PCDHGA5: variants seen among roughly 807,000 people sequenced by gnomAD.
PCDHGA5 encodes protocadherin gamma-A5.
PCDHGA5 carries 36 observed loss-of-function variants against 56.7 expected under a neutral mutation model. The ratio of observed to expected loss-of-function variants is 0.64; its 90% CI spans 0.49 to 0.84. PCDHGA5 has a LOEUF of 0.84. PCDHGA5 is among the 40% of genes least tolerant of loss of function. PCDHGA5 has a pLI of 0.00. For synonymous variants in PCDHGA5, 563 were observed against 520.2 expected (o/e 1.08, Z -1.12); for missense variants, 1,305 against 1,201.5 (o/e 1.09, Z -1.27).
chr5:141,364,789 G>T lies in PCDHGA5; in HGVS notation c.459G>T (p.Val153=), dbSNP rs1358031910. The T allele has an allele frequency of 1.9e-6, 3 of 1,614,036 alleles. No individual in the cohort carries two copies. Among genetic ancestry groups the T allele is most frequent in the East Asian group, 4.5e-5 (2 of 44,890 alleles). ...NENAAAGTRL[V]LPFARDADVG... ...ATGCGGCTGCAGGGACACGGTTAGT[G>T]CTTCCCTTCGCGCGGGATGCGGATG... Residue 153 remains valine, a synonymous_variant, in exon 1 of 4, where the codon GTG becomes GTT. Transcript: ENST00000518069.
In PCDHGA5 at chr5:141,490,455, G is replaced by A. The variant is rs746957706; in HGVS notation, c.2422-4352G>A. The A allele has an allele frequency of 9.3e-6, 15 of 1,614,010 alleles. No individual in the cohort carries two copies. The highest frequency in any genetic ancestry group is 2.2e-5 in the South Asian group (2 of 91,084). ...TTAAGCCTTCTGAGAACCACTACTC[G>A]CTGCTAACCAGCCAGCCTTTGGACC... On this transcript the variant is annotated intron_variant, in intron 1 of 3. Coordinates refer to ENST00000518069, the MANE Select transcript of PCDHGA5 (RefSeq NM_018918.3). The surrounding 1 kb of genome is among the most constrained non-coding windows in gnomAD (Gnocchi z 5.4).
At chr5:141,368,710 A>G (rs1008956527) in intron 1 of PCDHGA5, among the ~76,000 whole-genome samples, 1 of 152,160 alleles carries the variant, frequency 6.6e-6, no homozygotes, top group African/African-American at 2.4e-5. Flanking sequence ...TGATCCATAC[A>G]TTTTGAATGT....
intron 1 of PCDHGA5, chr5:141,390,939 A>G (rs572047279): frequency 6.6e-6 from 1 of 152,412 alleles, no homozygotes; most frequent in Admixed American, 6.5e-5. Context: ...TTAGAAGATC[A>G]AAAGCAGATT....
intron 1 of PCDHGA5, chr5:141,409,266 A>G (rs1285539149): frequency 1.1e-5 from 17 of 1,613,922 alleles, no homozygotes; most frequent in Non-Finnish European, 1.4e-5. Flanking sequence ...CTCTCTGATC[A>G]GATTTTGGAG....
chr5:141,367,417 G>A (rs1389870101), intron 1 of PCDHGA5: 5 of 152,198 alleles, frequency 3.3e-5, no homozygotes, highest in Non-Finnish European at 7.3e-5. Context: ...GGCGCCTGTA[G>A]TCCCAGCTAC....
chr5:141,453,077 T>C (rs2098755487), intron 1 of PCDHGA5, among the ~76,000 whole-genome samples: 1 of 152,090 alleles, frequency 6.6e-6, no homozygotes, highest in African/African-American at 2.4e-5. Context: ...CACACTCTGG[T>C]TGATTAGTAT....
rs751305003 is a variant in PCDHGA5 at position 141,365,581 on chromosome 5, T to C, written c.1251T>C (p.Asp417=). Residue 417 remains aspartate, a synonymous_variant, in exon 1 of 4, where the codon GAT becomes GAC. Transcript: ENST00000518069. Reference sequence around the variant, plus strand: ...ACCTGGACAGAGAAGAGACTTCAGATTATAATATCACTTTAACCGTCATGG... The same window carrying C: ...ACCTGGACAGAGAAGAGACTTCAGACTATAATATCACTTTAACCGTCATGG... ...TRDLDREETS[D]YNITLTVMDH... 49 of 1,613,586 alleles carry C rather than the reference T, an allele frequency of 3.0e-5. No individual in the cohort carries two copies. The highest frequency in any genetic ancestry group is 1.6e-4 in the Middle Eastern group (1 of 6,084).
intron 1 of PCDHGA5, chr5:141,389,226 C>G: frequency 6.2e-7 from 1 of 1,614,064 alleles, no homozygotes; most frequent in Non-Finnish European, 8.5e-7. Context: ...TGACAACGCT[C>G]CGGTTTTCTC....
Position 141,365,743 on chromosome 5 carries a change from CT to C in PCDHGA5, c.1415del (p.Phe472SerfsTer3), listed in dbSNP as rs2149881259. 1 of 1,613,828 alleles carries C rather than the reference CT, an allele frequency of 6.2e-7. No individual in the cohort carries two copies. Among genetic ancestry groups the C allele is most frequent in the Non-Finnish European group, 8.5e-7 (1 of 1,179,888 alleles). ...AAAACAATCCCAGAGGTGTCTCTAT[CT>C]TCTCTGTGACAGCCCATGACCCCGA... ...TENNPRGVSI[F>X]SVTAHDPDSG... On this transcript the variant is annotated frameshift_variant, in exon 1 of 4. Transcript: ENST00000518069. LOFTEE classifies it high-confidence loss of function.
In PCDHGA5 at chr5:141,365,884, A is replaced by G. The variant is rs992274434; in HGVS notation, c.1554A>G (p.Arg518=). The G allele has an allele frequency of 6.2e-7, 1 of 1,614,096 alleles. No homozygotes were observed. The highest frequency in any genetic ancestry group is 1.7e-5 in the Admixed American group (1 of 60,022). The change falls in exon 1 of 4, where the codon AGA becomes AGG. Residue 518 remains arginine (R), a synonymous_variant. Transcript: ENST00000518069. ...ACACCGGTGTCCTGTATGCTCTGAG[A>G]TCCTTCGACTATGAGCAGTTGAGAG... The part of the protein sequence containing the change: ...NSDTGVLYAL[R]SFDYEQLRDL...
chr5:141,388,314 G>A (rs752079289), intron 1 of PCDHGA5: 4 of 1,613,824 alleles, frequency 2.5e-6, no homozygotes, highest in South Asian at 1.1e-5. Context: ...GCAAATAAGT[G>A]AGTCTGCACA....
At chr5:141,479,975 C>A (rs1459297521) in intron 1 of PCDHGA5, among the ~76,000 whole-genome samples, 1 of 152,186 alleles carries the variant, frequency 6.6e-6, no homozygotes, top group East Asian at 1.9e-4. Context: ...TGAGGTTCTA[C>A]CATTTACCAA....
intron 1 of PCDHGA5, chr5:141,376,624 A>C (rs1350295838): frequency 7.4e-6 from 10 of 1,343,058 alleles, no homozygotes; most frequent in Non-Finnish European, 9.1e-6. Context: ...TTGGTACAGG[A>C]AGATTCGTGA....
At chr5:141,478,755 A>G in intron 1 of PCDHGA5, 1 of 1,519,784 alleles carries the variant, frequency 6.6e-7, no homozygotes, top group South Asian at 1.3e-5. Flanking sequence ...TTCAGGGGGA[A>G]GATACTTGAC....
chr5:141,457,149 G>A (rs1016628234), intron 1 of PCDHGA5, among the ~76,000 whole-genome samples: 6 of 152,180 alleles, frequency 3.9e-5, no homozygotes, highest in African/African-American at 1.4e-4. Flanking sequence ...TCAGTTAGAA[G>A]GTGCTACCAT....
chr5:141,504,287 T>C (rs1191226511), intron 2 of PCDHGA5, among the ~76,000 whole-genome samples: 2 of 152,166 alleles, frequency 1.3e-5, no homozygotes, highest in Non-Finnish European at 2.9e-5. Flanking sequence ...AATCATTTCA[T>C]GTTTTTTCAA....
At chr5:141,488,083 C>T (rs917074240) in intron 1 of PCDHGA5, among the ~76,000 whole-genome samples, 1 of 152,152 alleles carries the variant, frequency 6.6e-6, no homozygotes, top group African/African-American at 2.4e-5. Context: ...GTATCTAGTA[C>T]ACTGTGAAGG....
chr5:141,420,511 A>G (rs958868048), intron 1 of PCDHGA5: 23 of 419,992 alleles, frequency 5.5e-5, no homozygotes, highest in Middle Eastern at 6.5e-4. Context: ...ATTTTTATGA[A>G]GTAAAATACC....
At chr5:141,468,382 G>T (rs1247387630) in intron 1 of PCDHGA5, 1 of 151,194 alleles carries the variant, frequency 6.6e-6, no homozygotes, top group Non-Finnish European at 1.5e-5. Context: ...GCCATACAAG[G>T]CTACCCATTT....
Sources: allele counts gnomAD v4.1 joint callset (sites outside exome capture counted in the v4.1 genomes callset), GRCh38; gene constraint gnomAD v4.1.1; non-coding constraint Gnocchi (gnomAD v3.1); transcripts MANE v1.5; gene names NCBI Gene and HGNC (gene_info 2026-07-23, HGNC 2026-07-21).